The following PHACTR2 variants were observed in gnomAD, a reference collection of about 807,000 sequenced individuals.
PHACTR2 encodes chromosome 6 open reading frame 56.
Under a neutral mutation model 76.0 loss-of-function variants are expected in PHACTR2, and 30 were observed. That is an observed-to-expected ratio of 0.39 (90% CI 0.30 to 0.54). The LOEUF is 0.54. Ranked by LOEUF, PHACTR2 falls within the 20% of genes least tolerant of loss-of-function variation. The pLI, the probability that PHACTR2 is intolerant of heterozygous loss-of-function variation, is 0.61. For synonymous variants in PHACTR2, 292 were observed against 292.5 expected (o/e 1.00, Z 0.02); for missense variants, 696 against 781.1 (o/e 0.89, Z 1.30).
At position 143,755,721 on chromosome 6, in the gene PHACTR2, G is replaced by A. The variant is rs975976901; in HGVS notation, c.454+1809G>A. 9.2e-5 allele frequency among the ~76,000 whole-genome samples: 14 copies of A among 152,176 alleles called. No homozygotes were observed. In the South Asian group the frequency reaches 2.1e-3, roughly 23 times the overall value. On this transcript the variant is annotated intron_variant, in intron 4 of 12. Coordinates refer to ENST00000440869, the MANE Select transcript of PHACTR2 (RefSeq NM_001100164.2). This position sits in a 1 kb window ranked among gnomAD's most constrained non-coding sequence, Gnocchi z 5.2. The stretch of plus-strand genomic sequence containing the variant: ...AAGAGGCAGTGCGGCTGTCTCCTGT[G>A]TGGAAAGTGCACACACCAAAGCCAC...
At position 143,608,296 on chromosome 6, in the gene PHACTR2, G is replaced by C; in HGVS notation, c.-14G>C. 3.1e-6 allele frequency: 5 copies of C among 1,614,064 alleles called. No individual in the cohort carries two copies. The highest frequency in any genetic ancestry group is 4.2e-6 in the Non-Finnish European group (5 of 1,179,964). On this transcript the variant is annotated 5_prime_UTR_variant, in exon 1 of 12. Coordinates refer to the PHACTR2 transcript ENST00000305766. This position sits in a 1 kb window ranked among gnomAD's most constrained non-coding sequence, Gnocchi z 4.6. Reference sequence around the variant, plus strand: ...GCTGCCAGGCTACAGAACTCGCCTCGCCACTCCTGAGACATGGACAACGCC... The same window carrying C: ...GCTGCCAGGCTACAGAACTCGCCTCCCCACTCCTGAGACATGGACAACGCC...
chr6:143,575,984 C>T (rs1294753113), intron 1 of PHACTR2, among the ~76,000 whole-genome samples: 1 of 152,222 alleles, frequency 6.6e-6, no homozygotes, highest in Non-Finnish European at 1.5e-5. Flanking sequence ...AGCATAATCA[C>T]ATTTCTGGAA....
At chr6:143,711,219 C>T (rs1300428281) in intron 1 of PHACTR2, among the ~76,000 whole-genome samples, 1 of 152,134 alleles carries the variant, frequency 6.6e-6, no homozygotes. Flanking sequence ...GCCATAATTT[C>T]AAGTGCTATT....
rs1026237162 is a variant in PHACTR2 at position 143,618,026 on chromosome 6, G to A, written c.13+9704G>A. 7.9e-5 allele frequency among the ~76,000 whole-genome samples: 12 copies of A among 152,230 alleles called. No homozygotes were observed. The highest frequency in any genetic ancestry group is 2.9e-4 in the African/African-American group (12 of 41,534). On this transcript the variant is annotated intron_variant, in intron 1 of 11. Transcript: ENST00000305766. This position sits in a 1 kb window ranked among gnomAD's most constrained non-coding sequence, Gnocchi z 5.2. ...ATGTGAAATTTAACTAAAAAGAGATGTTAAACATCTCTTGTCAAATTCTGT... is the reference window on the plus strand; with the variant it reads ...ATGTGAAATTTAACTAAAAAGAGATATTAAACATCTCTTGTCAAATTCTGT...
chr6:143,711,173 C>T (rs1200053839), intron 1 of PHACTR2: 4 of 378,984 alleles, frequency 1.1e-5, no homozygotes, highest in Non-Finnish European at 2.0e-5. Context: ...ATTTCTGCCT[C>T]CAAGAAAAAA....
intron 12 of PHACTR2, among the ~76,000 whole-genome samples, chr6:143,814,817 T>G (rs1437672766): frequency 6.6e-6 from 1 of 152,116 alleles, no homozygotes; most frequent in Admixed American, 6.5e-5. Context: ...TTAGCCAGGA[T>G]GGTCCCAATC....
chr6:143,752,843 G>T (rs1779215965), intron 3 of PHACTR2, among the ~76,000 whole-genome samples: 1 of 152,136 alleles, frequency 6.6e-6, no homozygotes, highest in African/African-American at 2.4e-5. Context: ...CTTTTACAAT[G>T]CTAGCAAAGC....
In PHACTR2 at chr6:143,578,472, A is replaced by C. The variant is rs1234941465; in HGVS notation, c.217+41265A>C. Among the ~76,000 whole-genome samples, 2 of 152,190 alleles carry C rather than the reference A, an allele frequency of 1.3e-5. No homozygotes were observed. Among genetic ancestry groups the C allele is most frequent in the South Asian group, 2.1e-4 (1 of 4,836 alleles). On this transcript the variant is annotated intron_variant, in intron 1 of 11. Transcript: ENST00000367584. The surrounding 1 kb of genome is among the most constrained non-coding windows in gnomAD (Gnocchi z 4.5). Reference sequence around the variant, plus strand: ...ATGTGTAGGTTGTTCACTGCTCAAGAGCATTGACTGTGGGGAAGAATGGGG... The same window carrying C: ...ATGTGTAGGTTGTTCACTGCTCAAGCGCATTGACTGTGGGGAAGAATGGGG...
chr6:143,588,422 G>A lies in PHACTR2; in HGVS notation c.217+51215G>A, dbSNP rs764586746. Among the ~76,000 whole-genome samples the A allele has an allele frequency of 7.1e-5, 10 of 141,464 alleles. No individual in the cohort carries two copies. In the South Asian group the frequency reaches 7.1e-4, roughly 10 times the overall value. The allele number at this position is 141,464 out of a possible 152,430, so 92.8% of individuals were successfully genotyped here. On this transcript the variant is annotated intron_variant, in intron 1 of 11. Transcript: ENST00000367584. ...AAGCCCAACTGATCAAAGTAGAGCC[G>A]CTTTGATGAAAAGATCTGAACATTC...
At position 143,807,353 on chromosome 6, in the gene PHACTR2, A is replaced by G. The variant is rs73778695; in HGVS notation, c.1922+220A>G. 0.011 allele frequency among the ~76,000 whole-genome samples: 1,653 copies of G among 152,364 alleles called. 25 individuals are homozygous for G. The highest frequency in any genetic ancestry group is 0.037 in the African/African-American group (1,552 of 41,580). ...TTGGCTTTTAAGAACCTAATAGTCA[A>G]TGTGACAGTTTTAAAGATATGACTA... On this transcript the variant is annotated intron_variant, in intron 12 of 12. Coordinates refer to ENST00000440869, the MANE Select transcript of PHACTR2 (RefSeq NM_001100164.2). This position sits in a 1 kb window ranked among gnomAD's most constrained non-coding sequence, Gnocchi z 5.5.
Position 143,547,862 on chromosome 6 carries a change from A to G in PHACTR2, c.217+10655A>G, listed in dbSNP as rs976102672. Among the ~76,000 whole-genome samples, 2 of 152,010 alleles carry G rather than the reference A, an allele frequency of 1.3e-5. No homozygotes were observed. Among genetic ancestry groups the G allele is most frequent in the Non-Finnish European group, 2.9e-5 (2 of 68,016 alleles). ...GATCTAACTCTCTCTTGCCCGCTGTATCTATGTATGTATGTATGTACGTAT... is the reference window on the plus strand; with the variant it reads ...GATCTAACTCTCTCTTGCCCGCTGTGTCTATGTATGTATGTATGTACGTAT... On this transcript the variant is annotated intron_variant, in intron 1 of 11. Transcript: ENST00000367584. This position sits in a 1 kb window ranked among gnomAD's most constrained non-coding sequence, Gnocchi z 4.2.
intron 1 of PHACTR2, among the ~76,000 whole-genome samples, chr6:143,705,472 T>C (rs1279693394): frequency 6.6e-6 from 1 of 151,932 alleles, no homozygotes; most frequent in Non-Finnish European, 1.5e-5. Flanking sequence ...TTTTTTGTAT[T>C]TTTAGTAGAG....
chr6:143,786,616 GA>G (rs1775562566), intron 10 of PHACTR2, among the ~76,000 whole-genome samples: 1 of 152,202 alleles, frequency 6.6e-6, no homozygotes, highest in South Asian at 2.1e-4. Context: ...GGAAGAAAAA[GA>G]GGTTTAATTG....
At chr6:143,644,631 T>C (rs1449280651) in intron 1 of PHACTR2, among the ~76,000 whole-genome samples, 1 of 152,078 alleles carries the variant, frequency 6.6e-6, no homozygotes, top group Non-Finnish European at 1.5e-5. Flanking sequence ...TTTTATCAGC[T>C]TTAAAGTCAG....
intron 1 of PHACTR2, among the ~76,000 whole-genome samples, chr6:143,568,286 A>C (rs561059651): frequency 8.5e-5 from 13 of 152,314 alleles, no homozygotes; most frequent in African/African-American, 3.1e-4. Context: ...CATAATTCTT[A>C]CTTCACAGGA....
At chr6:143,766,636 A>G (rs548046190) in intron 6 of PHACTR2, among the ~76,000 whole-genome samples, 33 of 152,322 alleles carry the variant, frequency 2.2e-4, no homozygotes, top group African/African-American at 7.2e-4. Flanking sequence ...TACCTGAACA[A>G]AATGGGCCAA....
In PHACTR2 at chr6:143,782,180, C is replaced by T. The variant is rs1457612397; in HGVS notation, c.1646-1039C>T. 1.3e-5 allele frequency among the ~76,000 whole-genome samples: 2 copies of T among 152,100 alleles called. No homozygotes were observed. The highest frequency in any genetic ancestry group is 1.5e-5 in the Non-Finnish European group (1 of 67,994). Reference sequence around the variant, plus strand: ...AGCGGAGGTTGCGGTGAGCCAAGATCGCGCCACTGCACTCTAGCCTGGGTG... The same window carrying T: ...AGCGGAGGTTGCGGTGAGCCAAGATTGCGCCACTGCACTCTAGCCTGGGTG... On this transcript the variant is annotated intron_variant, in intron 9 of 12. Transcript: ENST00000440869. This position sits in a 1 kb window ranked among gnomAD's most constrained non-coding sequence, Gnocchi z 4.6.
rs1227916018 is a variant in PHACTR2, at chr6:143,658,822, C to T, written c.13+50500C>T. Among the ~76,000 whole-genome samples the T allele has an allele frequency of 2.0e-5, 3 of 151,998 alleles. No homozygotes were observed. Among genetic ancestry groups the T allele is most frequent in the African/African-American group, 4.8e-5 (2 of 41,400 alleles). On this transcript the variant is annotated intron_variant, in intron 1 of 11. Coordinates refer to the PHACTR2 transcript ENST00000305766. The surrounding 1 kb of genome is among the most constrained non-coding windows in gnomAD (Gnocchi z 4.1). ...GCAGGATCACTTGAGGTCAAGAGTT[C>T]GAGACCAGCCTAACCAACATGGTGA...
At chr6:143,718,047 G>A (rs543035297) in intron 2 of PHACTR2, among the ~76,000 whole-genome samples, 1 of 152,172 alleles carries the variant, frequency 6.6e-6, no homozygotes, top group African/African-American at 2.4e-5. Context: ...TTATACTCCT[G>A]TATAAAGAAA....
Sources: allele counts gnomAD v4.1 joint callset (sites outside exome capture counted in the v4.1 genomes callset), GRCh38; gene constraint gnomAD v4.1.1; non-coding constraint Gnocchi (gnomAD v3.1); transcripts MANE v1.5; gene names NCBI Gene and HGNC (gene_info 2026-07-23, HGNC 2026-07-21).